The following SLC35D4 variants were observed in gnomAD, a reference collection of about 807,000 sequenced individuals.
SLC35D4 encodes the protein solute carrier family 35 member D4, also known as UDP-N-acetylglucosamine transporter SLC35D4.
chr18:23,339,015 G>A, the SLC35D4 span, among the ~76,000 whole-genome samples: 1 of 151,956 alleles, frequency 6.6e-6, no homozygotes, highest in Non-Finnish European at 1.5e-5. Flanking sequence ...AGCCTCCCAA[G>A]TAGCTGGGAC....
the SLC35D4 span, among the ~76,000 whole-genome samples, chr18:23,398,872 G>A: frequency 6.6e-6 from 1 of 152,208 alleles, no homozygotes; most frequent in Non-Finnish European, 1.5e-5. Flanking sequence ...GATAAAAACA[G>A]TTAGTAGTCA....
At chr18:23,377,929 G>A in the SLC35D4 span, among the ~76,000 whole-genome samples, 430 of 152,216 alleles carry the variant, frequency 2.8e-3, 6 homozygotes, top group African/African-American at 9.9e-3. Flanking sequence ...ATAAAATGAC[G>A]CTGGGGCTGT....
chr18:23,253,493 CAAA>C, the SLC35D4 span, among the ~76,000 whole-genome samples: 4 of 151,984 alleles, frequency 2.6e-5, no homozygotes, highest in Non-Finnish European at 5.9e-5. Flanking sequence ...AAAAGAAAAA[CAAA>C]AAAAGTAAAC....
the SLC35D4 span, among the ~76,000 whole-genome samples, chr18:23,347,626 C>T: frequency 3.3e-5 from 5 of 152,114 alleles, no homozygotes; most frequent in Non-Finnish European, 5.9e-5. Flanking sequence ...TGTATCACTA[C>T]GTTACCCAGG....
the SLC35D4 span, among the ~76,000 whole-genome samples, chr18:23,334,198 A>C: frequency 6.4e-4 from 97 of 152,348 alleles, no homozygotes; most frequent in African/African-American, 2.3e-3. Flanking sequence ...ATGCCAGAAA[A>C]TTGTGCGGAA....
the SLC35D4 span, among the ~76,000 whole-genome samples, chr18:23,311,094 T>C: frequency 6.6e-6 from 1 of 151,888 alleles, no homozygotes; most frequent in Non-Finnish European, 1.5e-5. Context: ...ATGTCCCTCT[T>C]TTCTCTTCCC....
the SLC35D4 span, chr18:23,385,149 T>C: frequency 2.2e-6 from 3 of 1,390,688 alleles, no homozygotes; most frequent in Non-Finnish European, 3.0e-6. Context: ...TGCTTAAAAA[T>C]AAAGAGCTGT....
At chr18:23,286,550 A>G in the SLC35D4 span, among the ~76,000 whole-genome samples, 3 of 151,874 alleles carry the variant, frequency 2.0e-5, no homozygotes, top group Non-Finnish European at 2.9e-5. Context: ...ATCGCCTCGG[A>G]AGCCCCGTAG....
the SLC35D4 span, among the ~76,000 whole-genome samples, chr18:23,349,625 C>T: frequency 4.6e-5 from 7 of 152,270 alleles, no homozygotes; most frequent in South Asian, 6.2e-4. Context: ...AGCGAGACTA[C>T]GTCTCAAAAA....
chr18:23,255,349 G>A, the SLC35D4 span, among the ~76,000 whole-genome samples: 2 of 152,114 alleles, frequency 1.3e-5, no homozygotes, highest in Non-Finnish European at 2.9e-5. Flanking sequence ...GCTGTCTTCA[G>A]TGGCAAAGGC....
At chr18:23,408,930 T>C in the SLC35D4 span, among the ~76,000 whole-genome samples, 3 of 151,648 alleles carry the variant, frequency 2.0e-5, no homozygotes, top group Non-Finnish European at 2.9e-5. Context: ...AGGTCAGGAG[T>C]TCCAGACCAG....
At chr18:23,293,474 AT>A in the SLC35D4 span, among the ~76,000 whole-genome samples, 5 of 152,376 alleles carry the variant, frequency 3.3e-5, no homozygotes, top group African/African-American at 1.2e-4. Flanking sequence ...TTTTTAAAAA[AT>A]ATTAAGTCTT....
chr18:23,419,250 G>A, the SLC35D4 span, among the ~76,000 whole-genome samples: 2 of 152,020 alleles, frequency 1.3e-5, no homozygotes, highest in Non-Finnish European at 2.9e-5. Flanking sequence ...TCAGATTATA[G>A]TTTTGGCTAG....
chr18:23,380,805 T>A, the SLC35D4 span, among the ~76,000 whole-genome samples: 1 of 151,000 alleles, frequency 6.6e-6, no homozygotes, highest in African/African-American at 2.4e-5. Context: ...TATGTGTGCA[T>A]GAGTGTGTGT....
the SLC35D4 span, among the ~76,000 whole-genome samples, chr18:23,245,059 G>T: frequency 6.6e-6 from 1 of 152,312 alleles, no homozygotes; most frequent in Non-Finnish European, 1.5e-5. Context: ...TTTTTGAGGT[G>T]TGTGTACCTC....
chr18:23,379,664 C>T, the SLC35D4 span, among the ~76,000 whole-genome samples: 1 of 152,218 alleles, frequency 6.6e-6, no homozygotes, highest in Admixed American at 6.5e-5. Flanking sequence ...TACTTAGCTC[C>T]ATCTCCCAGG....
At chr18:23,392,981 T>G in the SLC35D4 span, among the ~76,000 whole-genome samples, 8 of 152,198 alleles carry the variant, frequency 5.3e-5, no homozygotes, top group African/African-American at 1.2e-4. Flanking sequence ...AGTGGCATGA[T>G]CTCGGCTCAC....
chr18:23,268,088 C>T, the SLC35D4 span, among the ~76,000 whole-genome samples: 3 of 152,160 alleles, frequency 2.0e-5, no homozygotes, highest in South Asian at 2.1e-4. Flanking sequence ...AGAGAGCAGG[C>T]CTTTTATCTT....
At chr18:23,414,944 C>G in the SLC35D4 span, among the ~76,000 whole-genome samples, 1 of 152,074 alleles carries the variant, frequency 6.6e-6, no homozygotes, top group African/African-American at 2.4e-5. Flanking sequence ...GAGATGCTGT[C>G]TCTACAAAAG....
Sources: gnomAD v4.1 joint callset for allele counts (sites outside exome capture counted in the v4.1 genomes callset) on GRCh38, gnomAD v4.1.1 for gene constraint, MANE v1.5 for transcripts, NCBI Gene and HGNC (gene_info 2026-07-23, HGNC 2026-07-21) for gene names.